The following PRKCE variants were observed in gnomAD, a reference collection of about 807,000 sequenced individuals.
PRKCE encodes the protein protein kinase C epsilon, also known as protein kinase C epsilon type.
In PRKCE, 16 loss-of-function variants were observed where a neutral mutation model predicts 85.4. The observed-to-expected ratio is 0.19, with a 90% confidence interval of 0.13 to 0.28. The LOEUF is 0.28. PRKCE is among the 10% of genes least tolerant of loss of function. PRKCE has a pLI of 1.00. For synonymous variants in PRKCE, 388 were observed against 371.5 expected, an observed-to-expected ratio of 1.04 and a Z score of -0.51; for missense variants, 573 against 975.2, an observed-to-expected ratio of 0.59 and a Z score of 5.49.
At chr2:46,006,607 A>G (rs1252797679) in intron 8 of PRKCE, among the ~76,000 whole-genome samples, 1 of 152,248 alleles carries the variant, frequency 6.6e-6, no homozygotes, top group African/African-American at 2.4e-5. Flanking sequence ...AGCATCATTT[A>G]AAATCGGATT....
chr2:46,171,398 T>TA (rs985824345), intron 14 of PRKCE, among the ~76,000 whole-genome samples: 5 of 152,252 alleles, frequency 3.3e-5, no homozygotes, highest in Admixed American at 3.3e-4. Context: ...TGTTTGATGT[T>TA]AACACAGCAA....
intron 2 of PRKCE, among the ~76,000 whole-genome samples, chr2:45,956,571 G>A (rs1700990716): frequency 6.6e-6 from 1 of 151,930 alleles, no homozygotes; most frequent in South Asian, 2.1e-4. Flanking sequence ...TGTAGTCCCA[G>A]CTACTCAGGA....
At chr2:46,158,195 G>T (rs982841075) in intron 13 of PRKCE, among the ~76,000 whole-genome samples, 28 of 152,164 alleles carry the variant, frequency 1.8e-4, no homozygotes, top group African/African-American at 6.8e-4. Context: ...AGAAGCCTGG[G>T]GTCTAAGATA....
At chr2:46,076,995 G>A (rs1423027167) in intron 10 of PRKCE, among the ~76,000 whole-genome samples, 1 of 152,164 alleles carries the variant, frequency 6.6e-6, no homozygotes, top group African/African-American at 2.4e-5. Flanking sequence ...GGCTGGTGGA[G>A]GGGGAATCGG....
intron 2 of PRKCE, among the ~76,000 whole-genome samples, chr2:45,940,669 C>T (rs976860442): frequency 3.3e-5 from 5 of 152,208 alleles, no homozygotes; most frequent in South Asian, 2.1e-4. Context: ...TTCACTCTCA[C>T]GTACCGCATG....
chr2:45,747,503 C>T (rs140799070), intron 1 of PRKCE, among the ~76,000 whole-genome samples: 2 of 152,292 alleles, frequency 1.3e-5, no homozygotes, highest in African/African-American at 4.8e-5. Flanking sequence ...GCATAATGTC[C>T]TCAGGGTTCA....
At chr2:45,951,762 C>T (rs757288750) in intron 2 of PRKCE, among the ~76,000 whole-genome samples, 1 of 152,232 alleles carries the variant, frequency 6.6e-6, no homozygotes, top group Non-Finnish European at 1.5e-5. Flanking sequence ...TGGATCAAAG[C>T]ACGAGTGAGT....
intron 1 of PRKCE, among the ~76,000 whole-genome samples, chr2:45,800,743 G>A (rs1687796685): frequency 6.6e-6 from 1 of 152,184 alleles, no homozygotes; most frequent in Admixed American, 6.5e-5. Context: ...AATTGGAGAA[G>A]GAACTTGGGG....
intron 14 of PRKCE, among the ~76,000 whole-genome samples, chr2:46,180,489 C>T (rs1286792286): frequency 6.6e-6 from 1 of 152,240 alleles, no homozygotes; most frequent in Non-Finnish European, 1.5e-5. Context: ...GATGTTCAGG[C>T]AGGCCCAGGC....
chr2:46,129,461 A>G (rs1172492559), intron 11 of PRKCE, among the ~76,000 whole-genome samples: 1 of 152,220 alleles, frequency 6.6e-6, no homozygotes, highest in African/African-American at 2.4e-5. Context: ...CGCTTTCCAC[A>G]CTAGGATATA....
At chr2:45,954,262 C>T (rs1237531044) in intron 2 of PRKCE, among the ~76,000 whole-genome samples, 1 of 152,176 alleles carries the variant, frequency 6.6e-6, no homozygotes, top group Non-Finnish European at 1.5e-5. Context: ...AGCCAAATGA[C>T]AGCTAATGGC....
At chr2:45,685,938 C>G (rs1572940073) in intron 1 of PRKCE, among the ~76,000 whole-genome samples, 1 of 152,118 alleles carries the variant, frequency 6.6e-6, no homozygotes, top group Non-Finnish European at 1.5e-5. Context: ...TCACAATAGA[C>G]AAATGATAGC....
chr2:45,712,164 T>TTTTTTG (rs1679707590), intron 1 of PRKCE, among the ~76,000 whole-genome samples: 2 of 139,020 alleles, frequency 1.4e-5, no homozygotes, highest in Non-Finnish European at 3.1e-5. Flanking sequence ...TTTTTTTTTT[T>TTTTTTG]GAGACAGAGT....
chr2:45,885,002 T>TATTTTTG, intron 2 of PRKCE, among the ~76,000 whole-genome samples: 1 of 97,666 alleles, frequency 1.0e-5, no homozygotes, highest in South Asian at 3.4e-4. Flanking sequence ...TATATATATA[T>TATTTTTG]TTGTTGTTGT....
chr2:45,722,044 C>T (rs965610127), intron 1 of PRKCE, among the ~76,000 whole-genome samples: 66 of 151,706 alleles, frequency 4.4e-4, no homozygotes, highest in Non-Finnish European at 8.2e-4. Flanking sequence ...TTGGGGTACA[C>T]CTATCCATAT....
chr2:45,814,721 C>G (rs553886229), intron 1 of PRKCE, among the ~76,000 whole-genome samples: 1 of 152,152 alleles, frequency 6.6e-6, no homozygotes, highest in Admixed American at 6.5e-5. Context: ...AGGTTGGGTG[C>G]CAAGAATATT....
At chr2:45,849,823 A>G (rs1692102887) in intron 2 of PRKCE, among the ~76,000 whole-genome samples, 1 of 152,184 alleles carries the variant, frequency 6.6e-6, no homozygotes, top group Non-Finnish European at 1.5e-5. Context: ...GCTGATTCTC[A>G]GACCCAGGGA....
intron 11 of PRKCE, among the ~76,000 whole-genome samples, chr2:46,143,533 C>T (rs1235079375): frequency 6.6e-6 from 1 of 152,112 alleles, no homozygotes; most frequent in Non-Finnish European, 1.5e-5. Context: ...CAAGCAGGAG[C>T]GTGTCATTCT....
At chr2:45,760,517 G>A (rs762589207) in intron 1 of PRKCE, among the ~76,000 whole-genome samples, 3 of 152,136 alleles carry the variant, frequency 2.0e-5, no homozygotes, top group Middle Eastern at 3.2e-3. Flanking sequence ...TAGGTCCATC[G>A]ACAACAAAAG....
Sources: allele counts gnomAD v4.1 joint callset (sites outside exome capture counted in the v4.1 genomes callset), GRCh38; gene constraint gnomAD v4.1.1; transcripts MANE v1.5; gene names NCBI Gene and HGNC (gene_info 2026-07-23, HGNC 2026-07-21).